The following UNC13C variants were observed in gnomAD, a reference collection of about 807,000 sequenced individuals.
UNC13C encodes the protein unc-13 homolog C, also known as protein unc-13 homolog C.
A neutral mutation model predicts 245.4 loss-of-function variants in UNC13C; 174 were observed. The observed-to-expected ratio is 0.71, with a 90% CI of 0.63 to 0.80. UNC13C has a LOEUF of 0.80. Among genes scored for constraint, UNC13C ranks in the 30% least tolerant of loss-of-function variants. The probability of loss-of-function intolerance (pLI) is 0.00; values close to 1 mark genes in which losing one functional copy is unlikely to be tolerated. For missense variants in UNC13C, 2,829 were observed against 2,602.9 expected, an observed-to-expected ratio of 1.09 and a Z score of -1.89; for synonymous variants, 992 against 895.1, an observed-to-expected ratio of 1.11 and a Z score of -1.93.
chr15:54,578,056 C>T (rs950479246), intron 30 of UNC13C, among the ~76,000 whole-genome samples: 1 of 152,146 alleles, frequency 6.6e-6, no homozygotes, highest in Non-Finnish European at 1.5e-5. Flanking sequence ...ATCAAAATCC[C>T]GAATCCCACT....
intron 19 of UNC13C, among the ~76,000 whole-genome samples, chr15:54,456,145 G>A (rs12437618): frequency 0.41 from 62,541 of 151,612 alleles, 13,168 homozygotes; most frequent in East Asian, 0.62. Flanking sequence ...ACTTTGCCGA[G>A]CATCAGTTGG....
At chr15:54,457,381 A>G (rs1282297347) in intron 19 of UNC13C, among the ~76,000 whole-genome samples, 1 of 152,070 alleles carries the variant, frequency 6.6e-6, no homozygotes, top group Non-Finnish European at 1.5e-5. Flanking sequence ...TTACAGTGAT[A>G]CTGCCTTCAT....
chr15:54,121,495 T>A (rs1203588394), intron 2 of UNC13C, among the ~76,000 whole-genome samples: 1 of 151,770 alleles, frequency 6.6e-6, no homozygotes. Flanking sequence ...GTGGTATGCC[T>A]GTGTGTGTGT....
chr15:54,173,314 T>C (rs1218298239), intron 4 of UNC13C, among the ~76,000 whole-genome samples: 2 of 152,052 alleles, frequency 1.3e-5, no homozygotes, highest in Non-Finnish European at 2.9e-5. Flanking sequence ...GAGGGTTACA[T>C]TGTCACCTTA....
intron 13 of UNC13C, among the ~76,000 whole-genome samples, chr15:54,320,480 A>G (rs145476849): frequency 6.6e-6 from 1 of 152,136 alleles, no homozygotes; most frequent in Non-Finnish European, 1.5e-5. Flanking sequence ...CTGCATTAAA[A>G]ACGTTCACTG....
At chr15:53,870,911 C>G in the UNC13C span, among the ~76,000 whole-genome samples, 1 of 152,162 alleles carries the variant, frequency 6.6e-6, no homozygotes, top group Non-Finnish European at 1.5e-5. Context: ...TTCCTATGAT[C>G]AAGACCAAGG....
chr15:54,378,417 A>G (rs1174639687), intron 17 of UNC13C, among the ~76,000 whole-genome samples: 1 of 152,128 alleles, frequency 6.6e-6, no homozygotes, highest in African/African-American at 2.4e-5. Flanking sequence ...AGGAGCAGCT[A>G]TTAGTTTATT....
chr15:54,587,513 T>C, intron 30 of UNC13C, among the ~76,000 whole-genome samples: 1 of 152,258 alleles, frequency 6.6e-6, no homozygotes, highest in East Asian at 1.9e-4. Flanking sequence ...TGTAGTCGTA[T>C]AACTTCCACA....
chr15:54,621,097 G>C (rs990700778), intron 30 of UNC13C, among the ~76,000 whole-genome samples: 12 of 152,136 alleles, frequency 7.9e-5, no homozygotes, highest in African/African-American at 2.9e-4. Context: ...GTGGTGAATT[G>C]CCTCATCTCA....
chr15:54,615,979 C>G (rs1900407727), intron 30 of UNC13C, among the ~76,000 whole-genome samples: 3 of 152,046 alleles, frequency 2.0e-5, no homozygotes. Flanking sequence ...AAATGATTTC[C>G]AAGGCTCCCT....
intron 8 of UNC13C, among the ~76,000 whole-genome samples, chr15:54,254,800 G>T (rs1455634176): frequency 6.6e-6 from 1 of 152,178 alleles, no homozygotes; most frequent in Non-Finnish European, 1.5e-5. Context: ...GAAAGTTACT[G>T]CATTTTATTT....
At chr15:54,167,663 T>C (rs1282469794) in intron 4 of UNC13C, among the ~76,000 whole-genome samples, 2 of 115,618 alleles carry the variant, frequency 1.7e-5, no homozygotes, top group Non-Finnish European at 3.6e-5. Flanking sequence ...ACCATCCACA[T>C]ACAAAAAAAT....
At chr15:54,446,467 C>T (rs1027873530) in intron 19 of UNC13C, among the ~76,000 whole-genome samples, 13 of 152,140 alleles carry the variant, frequency 8.5e-5, no homozygotes, top group South Asian at 2.1e-4. Context: ...TCTTTTATTT[C>T]GTTGAACATT....
chr15:54,031,577 CA>C (rs1366111838), intron 2 of UNC13C, among the ~76,000 whole-genome samples: 1 of 152,094 alleles, frequency 6.6e-6, no homozygotes, highest in Non-Finnish European at 1.5e-5. Context: ...TACATTTTGA[CA>C]GGAAGTTATT....
the UNC13C span, among the ~76,000 whole-genome samples, chr15:53,931,680 C>A: frequency 6.6e-6 from 1 of 152,104 alleles, no homozygotes; most frequent in East Asian, 1.9e-4. Flanking sequence ...ACAACTAAAC[C>A]AAGGTATACA....
the UNC13C span, among the ~76,000 whole-genome samples, chr15:53,897,189 A>G: frequency 0.6 from 91,066 of 152,040 alleles, 27,728 homozygotes; most frequent in African/African-American, 0.64. Context: ...GGTCTTTCTT[A>G]TCTATTGCTA....
chr15:54,542,933 G>T (rs1307442925), intron 26 of UNC13C, among the ~76,000 whole-genome samples: 1 of 152,040 alleles, frequency 6.6e-6, no homozygotes, highest in Non-Finnish European at 1.5e-5. Flanking sequence ...GCACACTGAT[G>T]GGTCTTGACT....
At position 54,211,662 on chromosome 15, in the gene UNC13C, A is replaced by G. The variant is rs183752379; in HGVS notation, c.3072-23368A>G. On this transcript the variant is annotated intron_variant, in intron 4 of 32. Transcript: ENST00000260323. ...TAACACCAAAAGTTCACTCCCCAAC[A>G]AAGCTCCATCCTTTGTCCCAGTGTT... is the stretch of plus-strand genomic sequence containing the variant. Among the ~76,000 whole-genome samples the G allele has an allele frequency of 4.1e-3, 631 of 152,220 alleles. 7 individuals are homozygous for G. The highest frequency in any genetic ancestry group is 0.015 in the African/African-American group (608 of 41,554).
At chr15:53,958,674 A>G in the UNC13C span, among the ~76,000 whole-genome samples, 14 of 152,152 alleles carry the variant, frequency 9.2e-5, no homozygotes, top group Admixed American at 9.2e-4. Flanking sequence ...AGTATTTTAT[A>G]TTGGTATATA....
Sources: allele counts gnomAD v4.1 joint callset (sites outside exome capture counted in the v4.1 genomes callset), GRCh38; gene constraint gnomAD v4.1.1; transcripts MANE v1.5; gene names NCBI Gene and HGNC (gene_info 2026-07-23, HGNC 2026-07-21).